ATL1: variants seen among roughly 807,000 people sequenced by gnomAD.
ATL1 encodes the protein atlastin GTPase 1, also known as atlastin-1.
ATL1 carries 31 observed loss-of-function variants against 75.5 expected under a neutral mutation model. That is an observed-to-expected ratio of 0.41 (90% confidence interval 0.31 to 0.55). The LOEUF (loss-of-function observed/expected upper bound fraction) is 0.55. Among genes scored for constraint, ATL1 ranks in the 20% least tolerant of loss-of-function variants. ATL1 has a pLI of 0.27. For synonymous variants in ATL1, 226 were observed against 233.3 expected (o/e 0.97, Z 0.28); for missense variants, 405 against 662.6 (o/e 0.61, Z 4.27).
chr14:50,616,039 G>T (rs1453101693), intron 8 of ATL1, among the ~76,000 whole-genome samples: 1 of 152,124 alleles, frequency 6.6e-6, no homozygotes, highest in East Asian at 1.9e-4. Flanking sequence ...TGTGGCCCAG[G>T]CTGGAGTGCA....
intron 1 of ATL1, among the ~76,000 whole-genome samples, chr14:50,583,469 A>G (rs1242457976): frequency 6.6e-6 from 1 of 152,234 alleles, no homozygotes; most frequent in Non-Finnish European, 1.5e-5. Context: ...TAAACCAGTC[A>G]TAGTTAGCAA....
At chr14:50,617,975 G>A (rs1276042027) in intron 8 of ATL1, among the ~76,000 whole-genome samples, 1 of 152,196 alleles carries the variant, frequency 6.6e-6, no homozygotes, top group Non-Finnish European at 1.5e-5. Context: ...GCCATCTTCA[G>A]ACACATTTTT....
At chr14:50,586,903 A>G (rs2039107380) in intron 1 of ATL1, among the ~76,000 whole-genome samples, 1 of 152,222 alleles carries the variant, frequency 6.6e-6, no homozygotes, top group Non-Finnish European at 1.5e-5. Flanking sequence ...TAAATACCGT[A>G]CTGGAACATT....
chr14:50,552,329 T>C (rs2038712765), intron 1 of ATL1, among the ~76,000 whole-genome samples: 1 of 152,130 alleles, frequency 6.6e-6, no homozygotes, highest in South Asian at 2.1e-4. Context: ...GAGAGTTCTC[T>C]ACAAGGAAAA....
intron 6 of ATL1, among the ~76,000 whole-genome samples, chr14:50,598,015 G>T (rs1395359477): frequency 1.3e-5 from 2 of 151,958 alleles, no homozygotes; most frequent in African/African-American, 4.8e-5. Context: ...CTTAAAACCA[G>T]CAATTACAGC....
At chr14:50,591,787 T>G in intron 4 of ATL1, 148 bp downstream of exon 4, 2 of 619,330 alleles carry the variant, frequency 3.2e-6, no homozygotes, top group Non-Finnish European at 5.6e-6. Context: ...TTCTCGTGAT[T>G]TCTGTGAGAG....
intron 6 of ATL1, among the ~76,000 whole-genome samples, chr14:50,602,028 A>T (rs2039276026): frequency 1.3e-5 from 2 of 152,172 alleles, no homozygotes; most frequent in Admixed American, 6.5e-5. Flanking sequence ...ACCTGGCCCC[A>T]CATTGTTCTG....
In ATL1 at chr14:50,587,821, T is replaced by G; in HGVS notation, c.35-10T>G. 1.2e-6 allele frequency: 2 copies of G among 1,614,210 alleles called. No homozygotes were observed. Among genetic ancestry groups the G allele is most frequent in the Non-Finnish European group, 1.7e-6 (2 of 1,180,034 alleles). ...TGATTAGCTGAACCAGTCACTGCTC[T>G]GTTCAACAGGTGGATTTTCGGAAAA... is the stretch of plus-strand genomic sequence containing the variant. On this transcript the variant is annotated splice_polypyrimidine_tract_variant and intron_variant, in intron 1 of 13. Coordinates refer to ENST00000358385, the MANE Select transcript of ATL1 (RefSeq NM_015915.5).
chr14:50,577,675 C>T (rs765067044), intron 1 of ATL1, among the ~76,000 whole-genome samples: 1 of 152,134 alleles, frequency 6.6e-6, no homozygotes, highest in Non-Finnish European at 1.5e-5. Context: ...CTTCCTACTC[C>T]CCAGCTCTGG....
chr14:50,560,474 C>T (rs564843436), intron 1 of ATL1, 175 bp downstream of exon 1: 32 of 826,670 alleles, frequency 3.9e-5, no homozygotes, highest in Admixed American at 9.3e-5. Flanking sequence ...CCGAGCGGTA[C>T]CCGCGTCACC....
At chr14:50,592,704 G>GGAA (rs1285194470) in intron 4 of ATL1, among the ~76,000 whole-genome samples, 1 of 151,654 alleles carries the variant, frequency 6.6e-6, no homozygotes, top group Admixed American at 6.6e-5. Context: ...GAGGTCAGGA[G>GGAA]ATCGAGACCA....
intron 4 of ATL1, among the ~76,000 whole-genome samples, chr14:50,592,352 T>G (rs1304841329): frequency 1.3e-5 from 2 of 151,964 alleles, no homozygotes; most frequent in African/African-American, 4.8e-5. Flanking sequence ...GTAAGATAGC[T>G]TAAAAAGGCA....
chr14:50,590,930 T>C lies in ATL1; in HGVS notation c.283-11T>C. 1 of 1,613,310 alleles carries C rather than the reference T, an allele frequency of 6.2e-7. No homozygotes were observed. The highest frequency in any genetic ancestry group is 1.3e-5 in the African/African-American group (1 of 75,046). On this transcript the variant is annotated splice_polypyrimidine_tract_variant and intron_variant, in intron 2 of 13. Transcript: ENST00000358385. ...ATCAAGTTCCATATCATAGACTTTA[T>C]CATTTTATAGGAATCAGTTGATTGG...
intron 6 of ATL1, among the ~76,000 whole-genome samples, chr14:50,598,761 G>A (rs2039245130): frequency 6.6e-6 from 1 of 152,184 alleles, no homozygotes; most frequent in Non-Finnish European, 1.5e-5. Flanking sequence ...AGATACAAGA[G>A]CAAAGCTCAG....
chr14:50,597,440 C>T (rs952896971), intron 6 of ATL1, among the ~76,000 whole-genome samples: 1 of 151,786 alleles, frequency 6.6e-6, no homozygotes, highest in Non-Finnish European at 1.5e-5. Context: ...AATATAAACA[C>T]GTGTGATAAA....
chr14:50,537,384 G>A (rs1420234586), intron 1 of ATL1, among the ~76,000 whole-genome samples: 1 of 152,212 alleles, frequency 6.6e-6, no homozygotes, highest in East Asian at 1.9e-4. Context: ...TGCAGGGGTA[G>A]TGCCCTCACG....
intron 1 of ATL1, 60 bp downstream of exon 1, chr14:50,560,359 G>A: frequency 6.3e-7 from 1 of 1,594,448 alleles, no homozygotes; most frequent in Non-Finnish European, 8.6e-7. Flanking sequence ...TCCACTTTCT[G>A]CTTCTGTGGA....
intron 5 of ATL1, among the ~76,000 whole-genome samples, chr14:50,594,307 A>C (rs1455523871): frequency 6.6e-6 from 1 of 152,168 alleles, no homozygotes; most frequent in Non-Finnish European, 1.5e-5. Context: ...TCCATGATTC[A>C]ATTACCTTCA....
chr14:50,554,141 G>A (rs549986123), intron 1 of ATL1, among the ~76,000 whole-genome samples: 15 of 151,234 alleles, frequency 9.9e-5, no homozygotes, highest in Middle Eastern at 6.9e-3. Context: ...AAACCAATAC[G>A]TACCCTTAGA....
Sources: gnomAD v4.1 joint callset for allele counts (sites outside exome capture counted in the v4.1 genomes callset) on GRCh38, gnomAD v4.1.1 for gene constraint, MANE v1.5 for transcripts, NCBI Gene and HGNC (gene_info 2026-07-23, HGNC 2026-07-21) for gene names.